PGPEP1L: variants seen among roughly 807,000 people sequenced by gnomAD.
PGPEP1L encodes the protein pyroglutamyl-peptidase I like.
Under a neutral mutation model 6.0 loss-of-function variants are expected in PGPEP1L, and 7 were observed. That is an observed-to-expected ratio of 1.17 (90% CI 0.66 to 2.19). The LOEUF is 2.19. PGPEP1L is among the 30% of genes most tolerant of loss of function. The pLI is 0.00. For missense variants in PGPEP1L, 209 were observed against 192.5 expected (o/e 1.09, Z -0.51); for synonymous variants, 103 against 83.9 (o/e 1.23, Z -1.24).
At chr15:98,979,426 G>A (rs1405200621) in intron 2 of PGPEP1L, among the ~76,000 whole-genome samples, 1 of 152,040 alleles carries the variant, frequency 6.6e-6, no homozygotes, top group African/African-American at 2.4e-5. Context: ...TAGCAACACA[G>A]CACAGACTTC....
chr15:98,988,408 A>C (rs2017776858), intron 2 of PGPEP1L, among the ~76,000 whole-genome samples: 1 of 152,180 alleles, frequency 6.6e-6, no homozygotes, highest in Non-Finnish European at 1.5e-5. Context: ...ATCACAGCTC[A>C]GCAAGGCCAC....
At chr15:98,979,675 G>C (rs1366539286) in intron 2 of PGPEP1L, among the ~76,000 whole-genome samples, 3 of 102,810 alleles carry the variant, frequency 2.9e-5, no homozygotes, top group Non-Finnish European at 5.3e-5. Context: ...TTTGGAGACA[G>C]AGTCTCACTC....
chr15:98,972,995 C>G (rs563976576), intron 2 of PGPEP1L, among the ~76,000 whole-genome samples: 3 of 147,962 alleles, frequency 2.0e-5, no homozygotes, highest in African/African-American at 7.5e-5. Flanking sequence ...TATGCACAGA[C>G]TAAAAGTGAA....
At chr15:98,982,506 G>A (rs1203611914) in intron 2 of PGPEP1L, among the ~76,000 whole-genome samples, 2 of 152,152 alleles carry the variant, frequency 1.3e-5, no homozygotes, top group African/African-American at 4.8e-5. Flanking sequence ...ACTGAAAAAA[G>A]GAGGTGTAAG....
intron 2 of PGPEP1L, among the ~76,000 whole-genome samples, chr15:99,002,974 C>T (rs1479793955): frequency 6.6e-6 from 1 of 152,160 alleles, no homozygotes; most frequent in Non-Finnish European, 1.5e-5. Flanking sequence ...TGGAGAGAAA[C>T]TTGAATTATA....
intron 2 of PGPEP1L, among the ~76,000 whole-genome samples, chr15:98,988,586 T>TG (rs1279733390): frequency 1.3e-5 from 2 of 152,256 alleles, no homozygotes; most frequent in Non-Finnish European, 2.9e-5. Context: ...TCAACGTCCC[T>TG]GCCTGACAGC....
chr15:98,972,508 A>G (rs950800671), intron 2 of PGPEP1L, among the ~76,000 whole-genome samples: 4 of 152,198 alleles, frequency 2.6e-5, no homozygotes, highest in African/African-American at 9.6e-5. Flanking sequence ...TAAGTATCAC[A>G]ATGGCAGTAG....
At position 98,988,612 on chromosome 15, in the gene PGPEP1L, G is replaced by T. The variant is rs568918794; in HGVS notation, c.-142+16817C>A. 4.6e-5 allele frequency among the ~76,000 whole-genome samples: 7 copies of T among 152,318 alleles called. No individual in the cohort carries two copies. In the South Asian group the frequency reaches 6.2e-4, roughly 14 times the overall value. ...GCCTGACAGCTCTGAAGAGAGGAGC[G>T]GATCTCCCAGCAGTGTCTGATCTTT... On this transcript the variant is annotated intron_variant, in intron 2 of 4. Transcript: ENST00000535714.
At chr15:98,994,894 G>A (rs527811341) in intron 2 of PGPEP1L, among the ~76,000 whole-genome samples, 1 of 152,244 alleles carries the variant, frequency 6.6e-6, no homozygotes, top group South Asian at 2.1e-4. Context: ...TATGTATTCT[G>A]GCTTTTACTG....
chr15:98,998,721 T>C (rs1460081133), intron 2 of PGPEP1L, among the ~76,000 whole-genome samples: 2 of 152,216 alleles, frequency 1.3e-5, no homozygotes, highest in Non-Finnish European at 2.9e-5. Context: ...CTCATGCCTG[T>C]AATCCCAGCA....
chr15:98,973,978 A>G (rs2017533109), intron 2 of PGPEP1L, among the ~76,000 whole-genome samples: 1 of 152,236 alleles, frequency 6.6e-6, no homozygotes, highest in Admixed American at 6.5e-5. Flanking sequence ...GAGAAGACCC[A>G]AATACATAAA....
rs369228449 is a variant in PGPEP1L at position 98,969,562 on chromosome 15, G to T, written c.72C>A (p.Ile24=). The change falls in exon 4 of 5, where the codon ATC becomes ATA. Residue 24 remains isoleucine, a synonymous_variant. Coordinates refer to ENST00000535714, the MANE Select transcript of PGPEP1L (RefSeq NM_001167902.2). ...CGCCGCCCTCGGGCCAGAAGCTGCG[G>T]ATGTCGGCGTCCCGGTAGCCTTGGT... is the stretch of plus-strand genomic sequence containing the variant. The part of the protein sequence containing the change: ...GKNQGYRDAD[I]RSFWPEGGVC... 7 of 1,613,878 alleles carry T rather than the reference G, an allele frequency of 4.3e-6. No individual in the cohort carries two copies. Among genetic ancestry groups the T allele is most frequent in the African/African-American group, 1.3e-5 (1 of 74,956 alleles).
At chr15:98,987,784 C>T (rs1379236036) in intron 2 of PGPEP1L, among the ~76,000 whole-genome samples, 1 of 152,108 alleles carries the variant, frequency 6.6e-6, no homozygotes, top group Non-Finnish European at 1.5e-5. Flanking sequence ...ACTGAGGTAC[C>T]CAGTTCATCT....
At chr15:98,994,371 T>C (rs2017859484) in intron 2 of PGPEP1L, among the ~76,000 whole-genome samples, 1 of 152,132 alleles carries the variant, frequency 6.6e-6, no homozygotes, top group South Asian at 2.1e-4. Flanking sequence ...AAGAAGCTAC[T>C]GGCCCGGCGT....
chr15:98,984,447 T>C (rs976968868), intron 2 of PGPEP1L, among the ~76,000 whole-genome samples: 2 of 151,890 alleles, frequency 1.3e-5, no homozygotes, highest in African/African-American at 4.8e-5. Context: ...GGGCCCTTGG[T>C]GGAGATGGGG....
intron 1 of PGPEP1L, among the ~76,000 whole-genome samples, 200 bp from the exon 2 acceptor site, chr15:99,005,856 C>A (rs1555473555): frequency 6.6e-6 from 1 of 152,198 alleles, no homozygotes; most frequent in African/African-American, 2.4e-5. Context: ...GGACGGAACA[C>A]CACATGGTGC....
intron 2 of PGPEP1L, among the ~76,000 whole-genome samples, chr15:98,983,242 C>T (rs1333777303): frequency 1.3e-5 from 2 of 151,836 alleles, no homozygotes; most frequent in East Asian, 3.9e-4. Flanking sequence ...CTGAACAGGA[C>T]TCAGCTTTCA....
At chr15:98,972,712 A>G (rs569268339) in intron 2 of PGPEP1L, among the ~76,000 whole-genome samples, 4 of 152,056 alleles carry the variant, frequency 2.6e-5, no homozygotes, top group African/African-American at 9.6e-5. Context: ...TCTACTAAAA[A>G]TACAAAAAAT....
intron 2 of PGPEP1L, among the ~76,000 whole-genome samples, chr15:98,986,088 C>T (rs1390932577): frequency 1.6e-4 from 24 of 152,200 alleles, no homozygotes; most frequent in Non-Finnish European, 3.2e-4. Flanking sequence ...GGACCATGTC[C>T]TCTCCCTAAA....
Sources: allele counts gnomAD v4.1 joint callset (sites outside exome capture counted in the v4.1 genomes callset), GRCh38; gene constraint gnomAD v4.1.1; transcripts MANE v1.5; gene names NCBI Gene and HGNC (gene_info 2026-07-23, HGNC 2026-07-21).